CDCA7L: variants seen among roughly 807,000 people sequenced by gnomAD.
The protein encoded by CDCA7L is cell division cycle associated 7 like.
In CDCA7L, 44 loss-of-function variants were observed where a neutral mutation model predicts 57.4. The observed-to-expected ratio is 0.77, with a 90% CI of 0.60 to 0.98. CDCA7L has a LOEUF of 0.98. Ranked by LOEUF, CDCA7L falls within the 50% of genes least tolerant of loss-of-function variation. The probability of loss-of-function intolerance (pLI) is 0.00; values close to 1 mark genes in which losing one functional copy is unlikely to be tolerated. For synonymous variants in CDCA7L, 236 were observed against 202.8 expected, an observed-to-expected ratio of 1.16 and a Z score of -1.39; for missense variants, 644 against 580.6, an observed-to-expected ratio of 1.11 and a Z score of -1.12.
In CDCA7L at chr7:21,901,041, T is replaced by G. The variant is rs1784793076; in HGVS notation, c.*1281A>C. On this transcript the variant is annotated 3_prime_UTR_variant, in exon 10 of 10. Coordinates refer to ENST00000406877, the MANE Select transcript of CDCA7L (RefSeq NM_018719.5). ...GGGACACCCAAGCAGGAACCATTGTTGAAGCCCGTCTCAAGGAGCTGGCAT... is the reference window on the plus strand; with the variant it reads ...GGGACACCCAAGCAGGAACCATTGTGGAAGCCCGTCTCAAGGAGCTGGCAT... 4.3e-6 allele frequency: 7 copies of G among 1,612,228 alleles called. No homozygotes were observed. The highest frequency in any genetic ancestry group is 5.9e-6 in the Non-Finnish European group (7 of 1,179,086).
intron 1 of CDCA7L, among the ~76,000 whole-genome samples, chr7:21,933,253 A>G (rs1367963064): frequency 6.6e-6 from 1 of 152,210 alleles, no homozygotes; most frequent in African/African-American, 2.4e-5. Context: ...CGATTCCTCA[A>G]GGATCTAGAA....
At chr7:21,917,712 T>G (rs891774797) in intron 1 of CDCA7L, among the ~76,000 whole-genome samples, 11 of 152,236 alleles carry the variant, frequency 7.2e-5, no homozygotes, top group Non-Finnish European at 1.2e-4. Context: ...TTGGCTGTTT[T>G]TAACTTAGGA....
chr7:21,939,471 T>C lies in CDCA7L; in HGVS notation c.24+6310A>G, dbSNP rs187843064. Among the ~76,000 whole-genome samples the C allele has an allele frequency of 3.8e-4, 58 of 152,352 alleles. No homozygotes were observed. The East Asian group carries it at 0.01, about 26-fold the overall frequency. On this transcript the variant is annotated intron_variant, in intron 1 of 9. Transcript: ENST00000406877. The stretch of plus-strand genomic sequence containing the variant: ...AAGAGCTATTCAGCAGATGAGTACC[T>C]AATGAACTGGAATTTTGGCAGAGAT...
chr7:21,945,210 G>A (rs1390759257), intron 1 of CDCA7L, among the ~76,000 whole-genome samples: 2 of 152,120 alleles, frequency 1.3e-5, no homozygotes, highest in African/African-American at 4.8e-5. Context: ...TTGGGATCTT[G>A]CAGCTTGTTT....
chr7:21,902,374 T>C (rs1784938815), intron 9 of CDCA7L, 22 bp from the exon 10 acceptor site: 1 of 1,611,434 alleles, frequency 6.2e-7, no homozygotes, highest in Admixed American at 1.7e-5. Context: ...ATGAGAAGTA[T>C]TTGGTAAAGT....
rs1213958691 is a variant in CDCA7L, at chr7:21,906,405, T to C, written c.805A>G (p.Met269Val). 1 of 1,613,546 alleles carries C rather than the reference T, an allele frequency of 6.2e-7. No homozygotes were observed. Among genetic ancestry groups the C allele is most frequent in the Non-Finnish European group, 8.5e-7 (1 of 1,179,704 alleles). Residue 269 changes from methionine to valine, a missense_variant, in exon 6 of 10, where the codon ATG becomes GTG. By Grantham distance (21) the Met-to-Val change is conservative. Coordinates refer to ENST00000406877, the MANE Select transcript of CDCA7L (RefSeq NM_018719.5). ...GGCCGCGCACTCCGGGTTGGGTTCA[T>C]ACGCCGCGTGATCTGTCCCTCCGAG... ...AFSEGQITRR[M>V]NPTRSARPPE...
chr7:21,901,061 T>C lies in CDCA7L; in HGVS notation c.*1261A>G. On this transcript the variant is annotated 3_prime_UTR_variant, in exon 10 of 10. Coordinates refer to ENST00000406877, the MANE Select transcript of CDCA7L (RefSeq NM_018719.5). ...ATTGTTGAAGCCCGTCTCAAGGAGC[T>C]GGCATGCCCTATGCCGGTCATCTTT... 1 of 1,613,552 alleles carries C rather than the reference T, an allele frequency of 6.2e-7. No individual in the cohort carries two copies.
In CDCA7L at chr7:21,902,919, C is replaced by CTCCTGTGCTCAGCCTCAAGATT. The variant is rs1174988887; in HGVS notation, c.1334+37_1334+58dup. The CTCCTGTGCTCAGCCTCAAGATT allele has an allele frequency of 2.0e-5, 31 of 1,559,148 alleles. No individual in the cohort carries two copies. In the East Asian group the frequency reaches 6.3e-4, roughly 32 times the overall value. ...GGCAACAACTACTTGCCCAGAGGGT[C>CTCCTGTGCTCAGCCTCAAGATT]TCCTGTGCTCAGCCTCAAGATTTCA... On this transcript the variant is annotated intron_variant, in intron 9 of 9. Transcript: ENST00000406877.
At chr7:21,944,287 A>G (rs1786435756) in intron 1 of CDCA7L, among the ~76,000 whole-genome samples, 1 of 151,112 alleles carries the variant, frequency 6.6e-6, no homozygotes, top group African/African-American at 2.4e-5. Context: ...AAAAAAAAAA[A>G]AAAAATACAA....
At chr7:21,927,003 G>C (rs1562632213) in intron 1 of CDCA7L, among the ~76,000 whole-genome samples, 1 of 152,164 alleles carries the variant, frequency 6.6e-6, no homozygotes, top group Non-Finnish European at 1.5e-5. Context: ...AGTTTTCAGG[G>C]TCAGAACATA....
chr7:21,902,756 C>T (rs944989400), intron 9 of CDCA7L: 5 of 522,762 alleles, frequency 9.6e-6, no homozygotes, highest in South Asian at 5.8e-5. Context: ...TTAAAGGCAA[C>T]GTGGAGTTGA....
At chr7:21,914,822 A>G (rs1785431361) in intron 2 of CDCA7L, among the ~76,000 whole-genome samples, 1 of 152,218 alleles carries the variant, frequency 6.6e-6, no homozygotes, top group African/African-American at 2.4e-5. Context: ...TATCTGTATG[A>G]AAAGCAGTTG....
intron 1 of CDCA7L, among the ~76,000 whole-genome samples, chr7:21,918,532 G>A (rs1785558512): frequency 6.6e-6 from 1 of 152,054 alleles, no homozygotes; most frequent in Admixed American, 6.6e-5. Context: ...CTTTTCTCTT[G>A]CAGTTTATTT....
chr7:21,901,435 C>G lies in CDCA7L; in HGVS notation c.*887G>C. 1 of 788,654 alleles carries G rather than the reference C, an allele frequency of 1.3e-6. No individual in the cohort carries two copies. Among genetic ancestry groups the G allele is most frequent in the Non-Finnish European group, 1.8e-6 (1 of 571,178 alleles). 48.9% of individuals were successfully genotyped at this position (788,654 alleles called of 1,614,324 possible). A position where few individuals can be genotyped will look rare whatever the true frequency, so the allele number is the denominator to read the frequency against. The stretch of plus-strand genomic sequence containing the variant: ...TACTAGAAACTAACTCAGGGCTGAG[C>G]GTGGTGGCACACGACTGTAATCCCA... On this transcript the variant is annotated 3_prime_UTR_variant, in exon 10 of 10. Transcript: ENST00000406877.
At chr7:21,909,791 C>CT (rs1241969722) in intron 3 of CDCA7L, among the ~76,000 whole-genome samples, 2 of 152,084 alleles carry the variant, frequency 1.3e-5, no homozygotes, top group African/African-American at 4.8e-5. Context: ...CTACAGAGGC[C>CT]TGAAGGAAGG....
At chr7:21,922,476 C>A (rs1785681760) in intron 1 of CDCA7L, among the ~76,000 whole-genome samples, 1 of 152,162 alleles carries the variant, frequency 6.6e-6, no homozygotes, top group African/African-American at 2.4e-5. Flanking sequence ...CTCCAACATT[C>A]CCAGAGAACC....
At chr7:21,939,043 T>C (rs1786261921) in intron 1 of CDCA7L, among the ~76,000 whole-genome samples, 1 of 152,114 alleles carries the variant, frequency 6.6e-6, no homozygotes, top group Non-Finnish European at 1.5e-5. Flanking sequence ...TTCTGATACA[T>C]ACTATAACAT....
Position 21,902,101 on chromosome 7 carries a change from CAGACAGGTCT to C in CDCA7L, c.*211_*220del. On this transcript the variant is annotated 3_prime_UTR_variant, in exon 10 of 10. Coordinates refer to ENST00000406877, the MANE Select transcript of CDCA7L (RefSeq NM_018719.5). ...GATATTTTTAACAAAGTTCAGCATA[CAGACAGGTCT>C]GTGCATACATCTATATAGATTCCTC... 1.8e-6 allele frequency: 1 copy of C among 546,820 alleles called. No homozygotes were observed. The highest frequency in any genetic ancestry group is 3.3e-6 in the Non-Finnish European group (1 of 304,374). The allele number at this position is 546,820 out of a possible 1,614,324, so 33.9% of individuals were successfully genotyped here. A position where few individuals can be genotyped will look rare whatever the true frequency, so the allele number is the denominator to read the frequency against.
intron 1 of CDCA7L, among the ~76,000 whole-genome samples, chr7:21,931,650 G>C (rs753673948): frequency 1.3e-5 from 2 of 152,170 alleles, no homozygotes; most frequent in Non-Finnish European, 2.9e-5. Flanking sequence ...AGCTATTTAT[G>C]ACAAACCCAC....
Sources: allele counts gnomAD v4.1 joint callset (sites outside exome capture counted in the v4.1 genomes callset), GRCh38; gene constraint gnomAD v4.1.1; transcripts MANE v1.5; gene names NCBI Gene and HGNC (gene_info 2026-07-23, HGNC 2026-07-21).